Variants in LINGO3 observed in about 807,000 individuals in gnomAD.
LINGO3 encodes the protein leucine-rich repeat and immunoglobulin-like domain-containing nogo receptor-interacting protein 3.
For synonymous variants in LINGO3, 427 were observed against 444.2 expected (o/e 0.96, Z 0.49); for missense variants, 750 against 867.7 (o/e 0.86, Z 1.70).
At chr19:2,294,377 G>A (rs562596297), upstream of LINGO3, among the ~76,000 whole-genome samples, 3 of 152,242 alleles carry the variant, frequency 2.0e-5, no homozygotes, top group East Asian at 5.8e-4. This position sits in a 1 kb window ranked among gnomAD's most constrained non-coding sequence, Gnocchi z 4.3. Flanking sequence ...CCCCGGCCCT[G>A]CGGACACCTT....
the LINGO3 span, among the ~76,000 whole-genome samples, chr19:2,303,992 C>T: frequency 6.6e-6 from 1 of 152,218 alleles, no homozygotes; most frequent in African/African-American, 2.4e-5. Context: ...CCAGTCACTT[C>T]CCTGGGCTGA....
At chr19:2,289,179 TCCGGGTGTGAGCTGTGTGTC>T (rs1316179798), downstream of LINGO3, among the ~76,000 whole-genome samples, 14 of 146,952 alleles carry the variant, frequency 9.5e-5, no homozygotes, top group African/African-American at 3.3e-4. Context: ...AGCTCTGTGT[TCCGGGTGTGAGCTGTGTGTC>T]CCGGGTGTGA....
At chr19:2,296,343 G>C (rs1017162894), upstream of LINGO3, among the ~76,000 whole-genome samples, 1 of 152,160 alleles carries the variant, frequency 6.6e-6, no homozygotes, top group Non-Finnish European at 1.5e-5. Context: ...GGCCGGGCGC[G>C]GTGGTTCACG....
At chr19:2,302,849 G>A in the LINGO3 span, among the ~76,000 whole-genome samples, 1 of 152,208 alleles carries the variant, frequency 6.6e-6, no homozygotes, top group African/African-American at 2.4e-5. Context: ...TGAACAGGTG[G>A]GGGTGGTCCC....
At chr19:2,307,281 G>C in the LINGO3 span, among the ~76,000 whole-genome samples, 3 of 152,188 alleles carry the variant, frequency 2.0e-5, no homozygotes, top group Non-Finnish European at 4.4e-5. Context: ...CCTCAGAACT[G>C]GGGGGGCCGG....
At chr19:2,296,166 G>A (rs565548707), upstream of LINGO3, among the ~76,000 whole-genome samples, 1 of 152,338 alleles carries the variant, frequency 6.6e-6, no homozygotes, top group Non-Finnish European at 1.5e-5. Context: ...CTCAGGGGCT[G>A]TGTCACGGGA....
the LINGO3 span, among the ~76,000 whole-genome samples, chr19:2,307,017 C>T: frequency 1.3e-5 from 2 of 152,162 alleles, no homozygotes; most frequent in Non-Finnish European, 2.9e-5. Flanking sequence ...ACACCTCACA[C>T]CTTCTGCATC....
chr19:2,304,024 G>T, the LINGO3 span, among the ~76,000 whole-genome samples: 1 of 152,340 alleles, frequency 6.6e-6, no homozygotes, highest in East Asian at 1.9e-4. Flanking sequence ...GTCAGGCAAG[G>T]AGGTTCCTTC....
In LINGO3 at chr19:2,290,404, C is replaced by T; in HGVS notation, c.1373G>A (p.Arg458His). 1.4e-6 allele frequency: 2 copies of T among 1,428,796 alleles called. No individual in the cohort carries two copies. The highest frequency in any genetic ancestry group is 1.8e-6 in the Non-Finnish European group (2 of 1,098,476). The allele number at this position is 1,428,796 out of a possible 1,614,324, so 88.5% of individuals were successfully genotyped here. The change falls in exon 1 of 1, where the codon CGC becomes CAC. Residue 458 changes from arginine (R) to histidine (H), a missense_variant. Coordinates refer to ENST00000585527, the Ensembl canonical transcript of LINGO3. The surrounding 1 kb of genome is among the most constrained non-coding windows in gnomAD (Gnocchi z 6.0). ...CTCCAGCGTCCCCCCGGGGAGCACG[C>T]GCGCCCGGCCCGCGCTGGTGGCCGT...
chr19:2,296,163 G>A (rs1423057635), upstream of LINGO3, among the ~76,000 whole-genome samples: 2 of 152,218 alleles, frequency 1.3e-5, no homozygotes, highest in Non-Finnish European at 2.9e-5. Context: ...ACACTCAGGG[G>A]CTGTGTCACG....
At chr19:2,292,311 T>C (rs2145088402), upstream of LINGO3, among the ~76,000 whole-genome samples, 1 of 148,056 alleles carries the variant, frequency 6.8e-6, no homozygotes, top group African/African-American at 2.5e-5. Flanking sequence ...GCCAGGAGGA[T>C]TGCTTGAGCC....
Position 2,291,862 on chromosome 19 carries a change from G to A in LINGO3, c.-86C>T, listed in dbSNP as rs1180744004. ...GGAGCGGGCAGCGTTAGCACCGTTA[G>A]CACCCCTCCGCGGCGCCTCTGCCGC... is the stretch of plus-strand genomic sequence containing the variant. On this transcript the variant is annotated 5_prime_UTR_variant, in exon 1 of 1. Transcript: ENST00000585527. The A allele has an allele frequency of 3.3e-6, 4 of 1,204,316 alleles. No individual in the cohort carries two copies. The Admixed American group carries it at 6.2e-5, about 19-fold the overall frequency. 74.6% of individuals were successfully genotyped at this position (1,204,316 alleles called of 1,614,324 possible). A position where few individuals can be genotyped will look rare whatever the true frequency, so the allele number is the denominator to read the frequency against.
upstream of LINGO3, among the ~76,000 whole-genome samples, chr19:2,292,190 TA>T (rs35830745): frequency 0.038 from 5,396 of 140,806 alleles, 110 homozygotes; most frequent in Admixed American, 0.061. Context: ...CCCTGTCTCT[TA>T]AAAAAAAAAA....
upstream of LINGO3, among the ~76,000 whole-genome samples, chr19:2,296,467 G>C (rs112139489): frequency 0.011 from 1,715 of 152,162 alleles, 36 homozygotes; most frequent in African/African-American, 0.039. Context: ...GCAACAGAGC[G>C]AGACTCTGTC....
chr19:2,289,197 G>GTCCCGGGAGTGAGCTGTGTT (rs2025492989), downstream of LINGO3, among the ~76,000 whole-genome samples: 1 of 149,676 alleles, frequency 6.7e-6, no homozygotes, highest in African/African-American at 2.5e-5. Flanking sequence ...TGAGCTGTGT[G>GTCCCGGGAGTGAGCTGTGTT]TCCCGGGTGT....
At chr19:2,303,463 A>G in the LINGO3 span, among the ~76,000 whole-genome samples, 110,091 of 150,464 alleles carry the variant, frequency 0.73, 41,458 homozygotes, top group Non-Finnish European at 0.83. Context: ...GGTACAGCTA[A>G]GCGAGGGGCG....
upstream of LINGO3, among the ~76,000 whole-genome samples, chr19:2,296,466 C>T (rs546294628): frequency 2.3e-4 from 35 of 151,880 alleles, no homozygotes; most frequent in African/African-American, 4.8e-4. Flanking sequence ...GGCAACAGAG[C>T]GAGACTCTGT....
At chr19:2,288,336 C>T (rs945704354), downstream of LINGO3, among the ~76,000 whole-genome samples, 4 of 152,226 alleles carry the variant, frequency 2.6e-5, no homozygotes, top group Non-Finnish European at 5.9e-5. The surrounding 1 kb of genome is among the most constrained non-coding windows in gnomAD (Gnocchi z 6.5). Context: ...CTGCACCGCA[C>T]GTAGCCGGGA....
the LINGO3 span, among the ~76,000 whole-genome samples, chr19:2,304,710 CTTTTTTTTTTTT>C: frequency 2.7e-5 from 2 of 73,212 alleles, no homozygotes; most frequent in Admixed American, 2.0e-4. Flanking sequence ...CCATGTCCTG[CTTTTTTTTTTTT>C]TTTTTTTTTT....
Sources: gnomAD v4.1 joint callset for allele counts (sites outside exome capture counted in the v4.1 genomes callset) on GRCh38, gnomAD v4.1.1 for gene constraint, Gnocchi (gnomAD v3.1) non-coding constraint, MANE v1.5 for transcripts, NCBI Gene and HGNC (gene_info 2026-07-23, HGNC 2026-07-21) for gene names.